Variants in SPAG9 observed in about 807,000 individuals in gnomAD.
SPAG9 encodes C-Jun-amino-terminal kinase-interacting protein 4.
Under a neutral mutation model 166.5 loss-of-function variants are expected in SPAG9, and 35 were observed. The ratio of observed to expected loss-of-function variants is 0.21; its 90% CI spans 0.16 to 0.28. The LOEUF (loss-of-function observed/expected upper bound fraction) is 0.28. SPAG9 is among the 10% of genes least tolerant of loss of function. SPAG9 has a pLI of 1.00. For missense variants in SPAG9, 1,235 were observed against 1,603.3 expected, an observed-to-expected ratio of 0.77 and a Z score of 3.92; for synonymous variants, 534 against 565.5, an observed-to-expected ratio of 0.94 and a Z score of 0.79.
chr17:51,053,873 A>G (rs2047272019), intron 3 of SPAG9, among the ~76,000 whole-genome samples: 2 of 101,652 alleles, frequency 2.0e-5, no homozygotes, highest in African/African-American at 1.0e-4. Context: ...ATATATATAT[A>G]TATATATATA....
chr17:51,035,770 TTTAG>T (rs752264910), intron 5 of SPAG9, among the ~76,000 whole-genome samples: 14 of 152,332 alleles, frequency 9.2e-5, no homozygotes, highest in Non-Finnish European at 1.3e-4. Flanking sequence ...ATCCAATTGG[TTTAG>T]TTAGTTAAAA....
chr17:51,076,913 C>T (rs928878892), intron 2 of SPAG9, among the ~76,000 whole-genome samples: 4 of 151,920 alleles, frequency 2.6e-5, no homozygotes, highest in Non-Finnish European at 5.9e-5. Flanking sequence ...GAAATCCCAG[C>T]ACTTTGAAGC....
At chr17:51,010,568 G>GA (rs3075109) in intron 9 of SPAG9, among the ~76,000 whole-genome samples, 3,269 of 124,808 alleles carry the variant, frequency 0.026, 108 homozygotes, top group East Asian at 0.13. Context: ...GGCAAGAAAA[G>GA]AAAAAAAAAA....
intron 1 of SPAG9, among the ~76,000 whole-genome samples, chr17:51,080,281 G>T (rs1438145347): frequency 1.3e-5 from 2 of 151,040 alleles, no homozygotes; most frequent in African/African-American, 2.4e-5. Flanking sequence ...CAAGTGATCC[G>T]CTCTCCTTAA....
intron 2 of SPAG9, among the ~76,000 whole-genome samples, chr17:51,077,289 A>G (rs1004289266): frequency 6.6e-6 from 1 of 151,894 alleles, no homozygotes; most frequent in Non-Finnish European, 1.5e-5. Context: ...ATGTCCGGCT[A>G]ATTTTGTATT....
At position 50,993,813 on chromosome 17, in the gene SPAG9, G is replaced by A. The variant is rs779488641; in HGVS notation, c.2349C>T (p.Asp783=). 1.9e-6 allele frequency: 3 copies of A among 1,614,036 alleles called. No individual in the cohort carries two copies. The highest frequency in any genetic ancestry group is 1.7e-5 in the Admixed American group (1 of 60,004). ...IDAVQPGNIL[D]SFTVCNSHVL... is the part of the protein sequence containing the mutation. ...CATGAGAGTTGCAAACAGTGAAACT[G>A]TCTAGGATGTTGCCAGGTTGAACAG... The change falls in exon 19 of 30, where the codon GAC becomes GAT. Residue 783 remains aspartate, a synonymous_variant. Transcript: ENST00000262013.
At chr17:51,007,192 G>A in intron 10 of SPAG9, 77 bp downstream of exon 10, 1 of 815,546 alleles carries the variant, frequency 1.2e-6, no homozygotes, top group Non-Finnish European at 2.0e-6. Flanking sequence ...TTAGTATTAT[G>A]TTAAAACGAT....
intron 1 of SPAG9, among the ~76,000 whole-genome samples, chr17:51,108,923 C>T (rs1469145294): frequency 2.6e-5 from 4 of 151,944 alleles, no homozygotes; most frequent in Non-Finnish European, 5.9e-5. Flanking sequence ...CTCCACCTCC[C>T]GGGTTCACAT....
Position 50,963,924 on chromosome 17 carries a change from A to G in SPAG9, c.*2348T>C, listed in dbSNP as rs1214302024. ...TGCAAAAAAGTGACTAAGTAGCTCA[A>G]GCAAAAAATTATTCTTTTAATACAG... On this transcript the variant is annotated 3_prime_UTR_variant, in exon 30 of 30. Coordinates refer to ENST00000262013, the MANE Select transcript of SPAG9 (RefSeq NM_001130528.3). 3 of 152,258 alleles carry G rather than the reference A, an allele frequency of 2.0e-5. No homozygotes were observed. The allele number at this position is 152,258 out of a possible 1,614,324, so 9.4% of individuals were successfully genotyped here. A position where few individuals can be genotyped will look rare whatever the true frequency, so the allele number is the denominator to read the frequency against.
intron 2 of SPAG9, among the ~76,000 whole-genome samples, chr17:51,077,798 G>A (rs183595047): frequency 9.9e-5 from 15 of 151,948 alleles, no homozygotes; most frequent in East Asian, 1.9e-4. Flanking sequence ...CTACGGGTGC[G>A]CACCATCATA....
rs1190722631 is a variant in SPAG9, at chr17:51,012,255, T to C, written c.1213+1977A>G. On this transcript the variant is annotated intron_variant, in intron 9 of 29. Coordinates refer to ENST00000262013, the MANE Select transcript of SPAG9 (RefSeq NM_001130528.3). ...TAAAATTAAAACATAAAATTAAATA[T>C]AAAAATGGAGTATTCCTTAAGAATT... is the stretch of plus-strand genomic sequence containing the variant. 2.0e-5 allele frequency among the ~76,000 whole-genome samples: 3 copies of C among 152,042 alleles called. No homozygotes were observed. The East Asian group carries it at 5.8e-4, about 29-fold the overall frequency.
intron 1 of SPAG9, among the ~76,000 whole-genome samples, chr17:51,096,006 G>GATAT (rs369064263): frequency 4.5e-5 from 4 of 88,580 alleles, no homozygotes; most frequent in Middle Eastern, 6.0e-3. Context: ...TATATATAGT[G>GATAT]ATATATATAT....
intron 2 of SPAG9, among the ~76,000 whole-genome samples, chr17:51,062,464 T>C (rs1345999430): frequency 6.6e-6 from 1 of 152,236 alleles, no homozygotes; most frequent in Non-Finnish European, 1.5e-5. Context: ...TGGCAATCAA[T>C]GATCTTTTTA....
At chr17:51,050,004 TCACC>T (rs1408791338) in intron 3 of SPAG9, among the ~76,000 whole-genome samples, 1 of 152,182 alleles carries the variant, frequency 6.6e-6, no homozygotes, top group Non-Finnish European at 1.5e-5. Flanking sequence ...GAAAACAAAC[TCACC>T]CCAGATTGCT....
At chr17:51,047,834 T>C (rs1236842879) in intron 3 of SPAG9, among the ~76,000 whole-genome samples, 1 of 151,912 alleles carries the variant, frequency 6.6e-6, no homozygotes, top group Admixed American at 6.5e-5. Context: ...AAATAATAGA[T>C]GGCATTTGAG....
At position 51,035,330 on chromosome 17, in the gene SPAG9, G is replaced by T. The variant is rs146210365; in HGVS notation, c.742-3608C>A. Among the ~76,000 whole-genome samples the T allele has an allele frequency of 2.6e-5, 4 of 152,276 alleles. No individual in the cohort carries two copies. The East Asian group carries it at 7.7e-4, about 29-fold the overall frequency. On this transcript the variant is annotated intron_variant, in intron 5 of 29. Transcript: ENST00000262013. ...TTAACATCAGGGGATGCTGCGTGAA[G>T]GGTATATGGAACTCTGCACTATTTT...
At chr17:51,079,539 A>G (rs757401690) in intron 2 of SPAG9, 45 bp downstream of exon 2, 2 of 1,599,804 alleles carry the variant, frequency 1.3e-6, no homozygotes, top group African/African-American at 2.7e-5. Flanking sequence ...ACGTCTGGCC[A>G]AGCCCAATCT....
intron 9 of SPAG9, among the ~76,000 whole-genome samples, chr17:51,010,673 A>G (rs1012050074): frequency 6.6e-6 from 1 of 151,640 alleles, no homozygotes; most frequent in African/African-American, 2.4e-5. Context: ...CTGTGAGGGA[A>G]AGTGAGAGGT....
chr17:51,020,268 G>T lies in SPAG9; in HGVS notation c.992-10C>A. 3 of 1,581,062 alleles carry T rather than the reference G, an allele frequency of 1.9e-6. No homozygotes were observed. The highest frequency in any genetic ancestry group is 2.6e-6 in the Non-Finnish European group (3 of 1,150,772). ...TCATTTTCAGCAGAGCCTTAAAAAAGGACATGATGAAATAAACAATACATA... is the reference window on the plus strand; with the variant it reads ...TCATTTTCAGCAGAGCCTTAAAAAATGACATGATGAAATAAACAATACATA... On this transcript the variant is annotated splice_polypyrimidine_tract_variant and intron_variant, in intron 7 of 29. Transcript: ENST00000262013.
Sources: gnomAD v4.1 joint callset for allele counts (sites outside exome capture counted in the v4.1 genomes callset) on GRCh38, gnomAD v4.1.1 for gene constraint, MANE v1.5 for transcripts, NCBI Gene and HGNC (gene_info 2026-07-23, HGNC 2026-07-21) for gene names.